ZNF469: variants seen among roughly 807,000 people sequenced by gnomAD.
The protein encoded by ZNF469 is zinc finger protein 469.
Under a neutral mutation model 1.0 loss-of-function variants are expected in ZNF469, and 1 was observed. The ratio of observed to expected loss-of-function variants is 1.00; its 90% CI spans 0.35 to 4.73. ZNF469 has a LOEUF of 4.73. Among genes scored for constraint, ZNF469 ranks in the 30% most tolerant of loss-of-function variants. ZNF469 has a pLI of 0.16. For missense variants in ZNF469, 6,100 were observed against 5,356.3 expected (o/e 1.14, Z -4.33); for synonymous variants, 2,703 against 2,363.4 (o/e 1.14, Z -4.17).
chr16:88,105,700 T>A, the ZNF469 span, among the ~76,000 whole-genome samples: 3 of 152,220 alleles, frequency 2.0e-5, no homozygotes, highest in African/African-American at 7.2e-5. Flanking sequence ...GATGAAGAGC[T>A]GAAAGCCTGA....
rs1384817852 is a variant in ZNF469, at chr16:88,431,123, C to T, written c.3653C>T (p.Ser1218Leu). Residue 1218 changes from serine (S) to leucine (L), a missense_variant, in exon 3 of 3, where the codon TCG becomes TTG. Ser to Leu is a moderately radical substitution (Grantham distance 145). Coordinates refer to ENST00000565624, the MANE Select transcript of ZNF469 (RefSeq NM_001367624.2). ...GAGACCTCAGAGGAAACCCGCCCGT[C>T]GCTGGACTTTCCCCAGGAGGCCAAG... The part of the protein sequence containing the change: ...NTETSEETRP[S>L]LDFPQEAKEP... The T allele has an allele frequency of 1.3e-6, 2 of 1,550,318 alleles. No homozygotes were observed. Among genetic ancestry groups the T allele is most frequent in the South Asian group, 2.4e-5 (2 of 84,062 alleles).
Position 88,434,196 on chromosome 16 carries a change from G to T in ZNF469, c.6726G>T (p.Gly2242=). The change falls in exon 3 of 3, where the codon GGG becomes GGT. Residue 2242 remains glycine, a synonymous_variant. Coordinates refer to ENST00000565624, the MANE Select transcript of ZNF469 (RefSeq NM_001367624.2). ...SVSAVTCTHS[G]DTPKDSTLRI... ...GTGCTGTAACCTGCACTCACAGTGG[G>T]GACACCCCCAAAGACAGCACTTTAA... The T allele has an allele frequency of 6.5e-7, 1 of 1,550,346 alleles. No homozygotes were observed. The highest frequency in any genetic ancestry group is 8.7e-7 in the Non-Finnish European group (1 of 1,146,976).
chr16:88,400,506 C>T (rs1034452901), intron 1 of ZNF469, among the ~76,000 whole-genome samples: 1 of 152,218 alleles, frequency 6.6e-6, no homozygotes, highest in Non-Finnish European at 1.5e-5. Context: ...AAGCAGTTTG[C>T]TCGTCCCTGC....
the ZNF469 span, among the ~76,000 whole-genome samples, chr16:88,267,809 T>C: frequency 6.6e-6 from 1 of 151,982 alleles, no homozygotes; most frequent in South Asian, 2.1e-4. Context: ...TTTGGGATAA[T>C]GCAGCGATGA....
intron 1 of ZNF469, among the ~76,000 whole-genome samples, chr16:88,398,742 G>A (rs1904770748): frequency 6.6e-6 from 1 of 152,110 alleles, no homozygotes; most frequent in African/African-American, 2.4e-5. Flanking sequence ...CCCAGAGGAA[G>A]GGACACATGG....
the ZNF469 span, among the ~76,000 whole-genome samples, chr16:88,107,088 A>T: frequency 9.9e-5 from 15 of 152,236 alleles, no homozygotes; most frequent in African/African-American, 3.4e-4. Flanking sequence ...CGGCTCTCTC[A>T]GGCCCGCACG....
chr16:88,153,690 G>A, the ZNF469 span, among the ~76,000 whole-genome samples: 2 of 152,256 alleles, frequency 1.3e-5, no homozygotes, highest in Non-Finnish European at 2.9e-5. Context: ...GGCGCTTGCT[G>A]CTGAGAGTTC....
At position 88,438,657 on chromosome 16, in the gene ZNF469, C is replaced by A; in HGVS notation, c.11187C>A (p.Gly3729=). ...CCGCCACCCCCAAAGCCAAACCCGG[C>A]CCCAGCTCCCAGGGCAGTGGAAGCC... is the stretch of plus-strand genomic sequence containing the variant. ...MKPATPKAKP[G]PSSQGSGSPR... is the part of the protein sequence containing the mutation. Residue 3729 remains glycine (G), a synonymous_variant, in exon 3 of 3, where the codon GGC becomes GGA. Transcript: ENST00000565624. 6.5e-7 allele frequency: 1 copy of A among 1,550,072 alleles called. No individual in the cohort carries two copies. Among genetic ancestry groups the A allele is most frequent in the Non-Finnish European group, 8.7e-7 (1 of 1,146,862 alleles).
chr16:88,215,922 G>A, the ZNF469 span, among the ~76,000 whole-genome samples: 4 of 152,008 alleles, frequency 2.6e-5, no homozygotes, highest in Non-Finnish European at 5.9e-5. Flanking sequence ...TCATTACTTT[G>A]TACAGCTAAT....
chr16:88,185,927 C>T, the ZNF469 span, among the ~76,000 whole-genome samples: 1 of 152,084 alleles, frequency 6.6e-6, no homozygotes, highest in Admixed American at 6.6e-5. Context: ...TTCACACTCT[C>T]ACACATGTGA....
chr16:88,243,949 T>TATATATATATATAA, the ZNF469 span, among the ~76,000 whole-genome samples: 372 of 94,210 alleles, frequency 3.9e-3, 42 homozygotes, highest in Middle Eastern at 9.1e-3. Flanking sequence ...TATATATATA[T>TATATATATATATAA]ATAAATGTAT....
upstream of ZNF469, among the ~76,000 whole-genome samples, chr16:88,380,541 TAA>T (rs1319115272): frequency 7.3e-3 from 538 of 73,824 alleles, 6 homozygotes; most frequent in African/African-American, 0.028. Context: ...ACACACGCAC[TAA>T]CACAGACATG....
the ZNF469 span, among the ~76,000 whole-genome samples, chr16:88,148,012 C>G: frequency 6.6e-6 from 1 of 151,392 alleles, no homozygotes; most frequent in Non-Finnish European, 1.5e-5. Context: ...ATTGCAGCTT[C>G]CTTCGTCGTT....
rs1404927912 is a variant in ZNF469, at chr16:88,424,725, CT to C, written c.-191-81del. 6.6e-6 allele frequency among the ~76,000 whole-genome samples: 1 copy of C among 152,148 alleles called. No homozygotes were observed. Among genetic ancestry groups the C allele is most frequent in the Non-Finnish European group, 1.5e-5 (1 of 68,008 alleles). On this transcript the variant is annotated intron_variant, in intron 1 of 2. Coordinates refer to ENST00000565624, the MANE Select transcript of ZNF469 (RefSeq NM_001367624.2). The surrounding 1 kb of genome is among the most constrained non-coding windows in gnomAD (Gnocchi z 4.3). ...GCCGGCTCTGCCCAGGAGCCGCTCC[CT>C]CCCACCTGGCTTCTCCTCGGGCTCT...
chr16:88,267,887 C>T, the ZNF469 span, among the ~76,000 whole-genome samples: 26 of 152,120 alleles, frequency 1.7e-4, no homozygotes, highest in African/African-American at 5.8e-4. Flanking sequence ...CTGAGTAAGC[C>T]GACCTTTCAC....
the ZNF469 span, among the ~76,000 whole-genome samples, chr16:88,209,085 A>G: frequency 2.0e-5 from 3 of 152,180 alleles, no homozygotes; most frequent in African/African-American, 7.2e-5. Context: ...CTGCAATCCA[A>G]TTAGAGTCAC....
chr16:88,281,649 A>G, the ZNF469 span, among the ~76,000 whole-genome samples: 1 of 150,186 alleles, frequency 6.7e-6, no homozygotes, highest in East Asian at 2.0e-4. Context: ...TACTGTGCTG[A>G]TGTCGGTGCA....
chr16:88,183,483 AC>A, the ZNF469 span, among the ~76,000 whole-genome samples: 1 of 152,174 alleles, frequency 6.6e-6, no homozygotes, highest in Non-Finnish European at 1.5e-5. Context: ...GTGCCACCAC[AC>A]GGGTCCCGCG....
the ZNF469 span, among the ~76,000 whole-genome samples, chr16:88,290,059 G>A: frequency 6.6e-6 from 1 of 152,324 alleles, no homozygotes; most frequent in East Asian, 1.9e-4. Flanking sequence ...CGCTCCCTCA[G>A]AGCTCAGACA....
Sources: allele counts gnomAD v4.1 joint callset (sites outside exome capture counted in the v4.1 genomes callset), GRCh38; gene constraint gnomAD v4.1.1; non-coding constraint Gnocchi (gnomAD v3.1); transcripts MANE v1.5; gene names NCBI Gene and HGNC (gene_info 2026-07-23, HGNC 2026-07-21).